SESN1: variants seen among roughly 807,000 people sequenced by gnomAD.
SESN1 encodes sestrin 1.
A neutral mutation model predicts 59.3 loss-of-function variants in SESN1; 30 were observed. The ratio of observed to expected loss-of-function variants is 0.51; its 90% CI spans 0.38 to 0.69. SESN1 has a LOEUF of 0.69. Among genes scored for constraint, SESN1 ranks in the 30% least tolerant of loss-of-function variants. The pLI is 0.00. For synonymous variants in SESN1, 197 were observed against 219.9 expected (o/e 0.90, Z 0.92); for missense variants, 566 against 673.0 (o/e 0.84, Z 1.76).
At chr6:109,082,852 C>T (rs938890391) in intron 1 of SESN1, among the ~76,000 whole-genome samples, 10 of 152,188 alleles carry the variant, frequency 6.6e-5, no homozygotes, top group Non-Finnish European at 1.3e-4. Flanking sequence ...CATTTCTAAA[C>T]TAATGGCAGT....
At chr6:109,038,505 C>T (rs1780280864) in intron 1 of SESN1, among the ~76,000 whole-genome samples, 1 of 152,038 alleles carries the variant, frequency 6.6e-6, no homozygotes, top group African/African-American at 2.4e-5. Context: ...TCTCAAAAAA[C>T]AAAAAACAAC....
At chr6:109,093,533 C>A (rs912226883) in intron 1 of SESN1, among the ~76,000 whole-genome samples, 1 of 151,946 alleles carries the variant, frequency 6.6e-6, no homozygotes, top group Admixed American at 6.6e-5. Context: ...CATTTTCCAA[C>A]AACATGTAAA....
chr6:109,008,925 G>A (rs1779793073), intron 1 of SESN1: 1 of 988,966 alleles, frequency 1.0e-6, no homozygotes, highest in Admixed American at 6.1e-5. Context: ...GGGGATGAAG[G>A]TGGCTAAATA....
chr6:109,088,093 G>C (rs1781245024), intron 1 of SESN1: 1 of 152,120 alleles, frequency 6.6e-6, no homozygotes, highest in South Asian at 2.1e-4. Context: ...TAGAAACTGA[G>C]AGGAAGTCTG....
intron 6 of SESN1, among the ~76,000 whole-genome samples, chr6:108,993,417 T>C (rs1056142883): frequency 6.6e-5 from 10 of 152,226 alleles, no homozygotes; most frequent in African/African-American, 1.7e-4. Flanking sequence ...GATGAGATTA[T>C]AGTTTCATGT....
chr6:109,018,289 A>G (rs1281572258), intron 1 of SESN1, among the ~76,000 whole-genome samples: 1 of 152,236 alleles, frequency 6.6e-6, no homozygotes, highest in Non-Finnish European at 1.5e-5. Flanking sequence ...TACCAGTAAT[A>G]ATTCAGTTAT....
At chr6:109,003,927 TCTTA>T (rs955439705) in intron 1 of SESN1, among the ~76,000 whole-genome samples, 10 of 152,206 alleles carry the variant, frequency 6.6e-5, no homozygotes, top group Admixed American at 4.6e-4. Flanking sequence ...TTGAAAACTG[TCTTA>T]CTTAAACAAA....
chr6:109,007,256 A>G (rs995385141), intron 1 of SESN1, among the ~76,000 whole-genome samples: 1 of 152,322 alleles, frequency 6.6e-6, no homozygotes, highest in Non-Finnish European at 1.5e-5. Flanking sequence ...GTATGAATCA[A>G]TGTTTGTGTA....
At chr6:109,074,610 A>G (rs1051286577) in intron 1 of SESN1, among the ~76,000 whole-genome samples, 1 of 152,244 alleles carries the variant, frequency 6.6e-6, no homozygotes, top group Non-Finnish European at 1.5e-5. Flanking sequence ...CCTTATAAAT[A>G]ACACAAAATT....
chr6:108,985,823 G>C lies in SESN1; in HGVS notation c.*1721C>G, dbSNP rs2128525490. The stretch of plus-strand genomic sequence containing the variant: ...CAGCAGCAGGCAGAAGAGGACAAAG[G>C]CATGATGCATATTCAATGAGTAATG... On this transcript the variant is annotated 3_prime_UTR_variant, in exon 10 of 10. Coordinates refer to ENST00000436639, the MANE Select transcript of SESN1 (RefSeq NM_014454.3). Among the ~76,000 whole-genome samples, 1 of 152,232 alleles carries C rather than the reference G, an allele frequency of 6.6e-6. No homozygotes were observed. The highest frequency in any genetic ancestry group is 2.4e-5 in the African/African-American group (1 of 41,538).
At chr6:109,038,558 T>C (rs1472546909) in intron 1 of SESN1, among the ~76,000 whole-genome samples, 5 of 152,194 alleles carry the variant, frequency 3.3e-5, no homozygotes, top group Non-Finnish European at 7.3e-5. Flanking sequence ...CAATGAGATG[T>C]TGACTCTAAG....
chr6:109,044,916 G>A (rs1780400343), intron 1 of SESN1, among the ~76,000 whole-genome samples: 1 of 151,940 alleles, frequency 6.6e-6, no homozygotes, highest in Non-Finnish European at 1.5e-5. Context: ...TCAGCTACTT[G>A]GGCAGCTGAG....
At chr6:109,054,412 T>A (rs1186484237) in intron 1 of SESN1, among the ~76,000 whole-genome samples, 1 of 152,152 alleles carries the variant, frequency 6.6e-6, no homozygotes, top group Non-Finnish European at 1.5e-5. Context: ...CCTTAAAAAA[T>A]ACAGTAAAGA....
chr6:109,045,102 C>G (rs1327574593), intron 1 of SESN1, among the ~76,000 whole-genome samples: 6 of 152,102 alleles, frequency 3.9e-5, no homozygotes, highest in Non-Finnish European at 8.8e-5. Flanking sequence ...CCTATCTCCA[C>G]GAAGGCCTTC....
In SESN1 at chr6:108,994,580, G is replaced by A. The variant is rs776612917; in HGVS notation, c.1002C>T (p.Ala334=). The A allele has an allele frequency of 1.2e-6, 2 of 1,611,992 alleles. No homozygotes were observed. Among genetic ancestry groups the A allele is most frequent in the East Asian group, 2.2e-5 (1 of 44,776 alleles). Residue 334 remains alanine (A), a synonymous_variant, in exon 6 of 10, where the codon GCC becomes GCT. Transcript: ENST00000436639. ...GTAACTGCCTCATCTTTTCCATGAG[G>A]GCTTCAACCTCAAAGAAAGAATCAC... ...SVSDSFFEVE[A]LMEKMRQLQE... is the part of the protein sequence containing the mutation.
At chr6:109,068,524 G>T (rs139627045) in intron 1 of SESN1, among the ~76,000 whole-genome samples, 1 of 151,720 alleles carries the variant, frequency 6.6e-6, no homozygotes, top group Non-Finnish European at 1.5e-5. Context: ...AAAAAGAAAC[G>T]GTATATGAAA....
intron 1 of SESN1, among the ~76,000 whole-genome samples, chr6:109,041,546 T>G (rs6899723): frequency 0.1 from 15,196 of 152,092 alleles, 925 homozygotes; most frequent in Middle Eastern, 0.2. Context: ...AGCAGGAATT[T>G]TTATATTAAT....
At chr6:109,061,308 T>A (rs1294645167) in intron 1 of SESN1, among the ~76,000 whole-genome samples, 1 of 152,124 alleles carries the variant, frequency 6.6e-6, no homozygotes, top group African/African-American at 2.4e-5. Flanking sequence ...ACCAAAAAAT[T>A]TTTTTCAACA....
At position 109,082,617 on chromosome 6, in the gene SESN1, G is replaced by A. The variant is rs1211395988; in HGVS notation, c.279+11178C>T. On this transcript the variant is annotated intron_variant, in intron 1 of 9. Transcript: ENST00000436639. ...CTCTCTGCAACCTCTCCCTGCTGGT[G>A]CCATGCTGGCATACCAGAATGATGC... Among the ~76,000 whole-genome samples, 4 of 152,154 alleles carry A rather than the reference G, an allele frequency of 2.6e-5. No homozygotes were observed. In the South Asian group the frequency reaches 6.2e-4, roughly 24 times the overall value.
Sources: gnomAD v4.1 joint callset for allele counts (sites outside exome capture counted in the v4.1 genomes callset) on GRCh38, gnomAD v4.1.1 for gene constraint, MANE v1.5 for transcripts, NCBI Gene and HGNC (gene_info 2026-07-23, HGNC 2026-07-21) for gene names.